The following FRMD7 variants were observed in gnomAD, a reference collection of about 807,000 sequenced individuals.
The protein encoded by FRMD7 is FERM domain containing 7.
A neutral mutation model predicts 44.1 loss-of-function variants in FRMD7; 14 were observed. That is an observed-to-expected ratio of 0.32 (90% CI 0.21 to 0.50). The LOEUF (loss-of-function observed/expected upper bound fraction) is 0.50. Ranked by LOEUF, FRMD7 falls within the 20% of genes least tolerant of loss-of-function variation. The pLI, the probability that FRMD7 is intolerant of heterozygous loss-of-function variation, is 0.99. For missense variants in FRMD7, 501 were observed against 522.3 expected (o/e 0.96, Z 0.40); for synonymous variants, 212 against 187.4 (o/e 1.13, Z -1.07).
At chrX:132,097,691 C>A (rs2124248003) in intron 3 of FRMD7, among the ~76,000 whole-genome samples, 1 of 111,751 alleles carries the variant, frequency 8.9e-6, no homozygotes, top group South Asian at 3.8e-4. Flanking sequence ...AGTTGGGATT[C>A]TGCATTCCTG....
chrX:132,119,333 T>C (rs5933080), intron 1 of FRMD7, among the ~76,000 whole-genome samples: 23,345 of 112,052 alleles, frequency 0.21, 1,953 homozygotes, highest in Non-Finnish European at 0.25. Context: ...TAAAGGCAAT[T>C]GACAGTAACT....
chrX:132,117,161 C>T (rs747014657), intron 1 of FRMD7, among the ~76,000 whole-genome samples: 6 of 112,044 alleles, frequency 5.4e-5, no homozygotes, highest in Non-Finnish European at 1.1e-4. Context: ...TAGCTATTAC[C>T]ATTACTATTT....
At chrX:132,121,254 A>G (rs1929027425) in intron 1 of FRMD7, among the ~76,000 whole-genome samples, 2 of 111,898 alleles carry the variant, frequency 1.8e-5, no homozygotes, top group Admixed American at 9.5e-5. Flanking sequence ...CAGGATTTTG[A>G]AGCCAGACAA....
At chrX:132,124,861 G>C (rs912509058) in intron 1 of FRMD7, among the ~76,000 whole-genome samples, 6 of 111,730 alleles carry the variant, frequency 5.4e-5, no homozygotes, top group African/African-American at 1.9e-4. Flanking sequence ...AGAGTCTACT[G>C]TTCCCAGAAC....
chrX:132,084,404 C>T (rs1181447403), intron 8 of FRMD7, 86 bp downstream of exon 8: 2 of 598,191 alleles, frequency 3.3e-6, no homozygotes, highest in Non-Finnish European at 5.9e-6. Context: ...CCGGCTTTTA[C>T]AATTTACATT....
intron 1 of FRMD7, among the ~76,000 whole-genome samples, chrX:132,121,671 C>A (rs1259465027): frequency 9.1e-6 from 1 of 109,717 alleles, no homozygotes; most frequent in African/African-American, 3.3e-5. Flanking sequence ...GTGCATGAGA[C>A]TTATGTAAGG....
intron 5 of FRMD7, among the ~76,000 whole-genome samples, 162 bp from the exon 6 acceptor site, chrX:132,086,196 G>T (rs1381854321): frequency 9.1e-6 from 1 of 109,290 alleles, no homozygotes. Flanking sequence ...TTCTATAGGG[G>T]TGTGTGTGTT....
intron 1 of FRMD7, among the ~76,000 whole-genome samples, chrX:132,127,393 A>T (rs1453646908): frequency 8.9e-6 from 1 of 112,122 alleles, no homozygotes; most frequent in Non-Finnish European, 1.9e-5. Context: ...AAAGGAGGAT[A>T]GCTTCCCCCA....
chrX:132,127,745 G>A, intron 1 of FRMD7, 43 bp downstream of exon 1: 7 of 1,018,674 alleles, frequency 6.9e-6, no homozygotes, highest in Non-Finnish European at 9.7e-6. Context: ...GACAATTATT[G>A]AATGAATAAT....
Position 132,085,718 on chromosome X carries a change from G to C in FRMD7, c.508C>G (p.Pro170Ala), listed in dbSNP as rs972722902. The C allele has an allele frequency of 8.3e-7, 1 of 1,207,882 alleles. No individual in the cohort carries two copies. The highest frequency in any genetic ancestry group is 1.1e-6 in the Non-Finnish European group (1 of 893,437). The stretch of plus-strand genomic sequence containing the variant: ...AGTAGCAGAATGTCAGATTCAGCTG[G>C]GCTCCTGCCACTGAAAGGGGAAAGA... ...HFHQKHIGRS[P>A]AESDILLLDI... Residue 170 changes from proline to alanine, a missense_variant, in exon 7 of 12, where the codon CCA becomes GCA. Pro to Ala is a conservative substitution (Grantham distance 27). Coordinates refer to ENST00000298542, the MANE Select transcript of FRMD7 (RefSeq NM_194277.3).
chrX:132,094,604 A>G (rs930788516), intron 4 of FRMD7, among the ~76,000 whole-genome samples: 1 of 112,153 alleles, frequency 8.9e-6, no homozygotes, highest in African/African-American at 3.2e-5. Flanking sequence ...AGTTATAGAA[A>G]GAGAGGGGCT....
rs182864511 is a variant in FRMD7 at position 132,079,601 on chromosome X, C to T, written c.1050+405G>A. Among the ~76,000 whole-genome samples the T allele has an allele frequency of 6.2e-5, 7 of 112,176 alleles. No homozygotes were observed. The East Asian group carries it at 2.0e-3, about 31-fold the overall frequency. ...CAGTTCCAAGGGAACAACACTTTGT[C>T]CTTAAGTTACAAAATTACACAGGAA... is the stretch of plus-strand genomic sequence containing the variant. On this transcript the variant is annotated intron_variant, in intron 11 of 11. Transcript: ENST00000298542.
At chrX:132,079,169 C>T (rs925554511) in intron 11 of FRMD7, among the ~76,000 whole-genome samples, 2 of 112,427 alleles carry the variant, frequency 1.8e-5, no homozygotes, top group African/African-American at 6.5e-5. Flanking sequence ...TTAAAAAGTA[C>T]ATGTGACACT....
chrX:132,078,642 T>G lies in FRMD7; in HGVS notation c.1375A>C (p.Ile459Leu), dbSNP rs1362278613. 4 of 1,209,929 alleles carry G rather than the reference T, an allele frequency of 3.3e-6. No individual in the cohort carries two copies. In the African/African-American group the frequency reaches 7.0e-5, roughly 21 times the overall value. ...SCKFSGNHMS[I>L]YSGLTSKVRP... ...ACTTTGCTTGTGAGGCCAGAATATA[T>G]GCTCATGTGATTACCAGAAAACTTA... Residue 459 changes from isoleucine to leucine, a missense_variant, in exon 12 of 12, where the codon ATA becomes CTA. By Grantham distance (5) the Ile-to-Leu change is conservative. Around this residue, in one of 3 missense-constraint regions of FRMD7, gnomAD observed 453 missense variants for 452.7 expected, o/e 1.00. Transcript: ENST00000298542.
chrX:132,102,730 T>C (rs1928536747), intron 1 of FRMD7, among the ~76,000 whole-genome samples: 3 of 112,225 alleles, frequency 2.7e-5, no homozygotes, highest in African/African-American at 3.2e-5. Flanking sequence ...AATTCCATCA[T>C]ACACTCCAGT....
chrX:132,125,169 G>A (rs1248469160), intron 1 of FRMD7, among the ~76,000 whole-genome samples: 4 of 111,696 alleles, frequency 3.6e-5, no homozygotes, highest in Non-Finnish European at 7.5e-5. Flanking sequence ...TGACAAAACA[G>A]GCTTCTTAGT....
Position 132,077,821 on chromosome X carries a change from C to G in FRMD7, c.*51G>C. 8.3e-7 allele frequency: 1 copy of G among 1,208,433 alleles called. No homozygotes were observed. The highest frequency in any genetic ancestry group is 1.1e-6 in the Non-Finnish European group (1 of 893,606). ...GTTTCTACAACTTCATTATTTTCTG[C>G]CTAAGTCGGTAACATGGAACTGGCT... On this transcript the variant is annotated 3_prime_UTR_variant, in exon 12 of 12. Transcript: ENST00000298542.
intron 4 of FRMD7, among the ~76,000 whole-genome samples, chrX:132,096,477 G>A (rs1406219613): frequency 9.1e-6 from 1 of 109,613 alleles, no homozygotes. Context: ...AGCACTTTGG[G>A]AGGCCAAGGC....
intron 1 of FRMD7, among the ~76,000 whole-genome samples, chrX:132,113,540 A>T (rs1490919085): frequency 2.7e-5 from 3 of 111,672 alleles, no homozygotes; most frequent in Non-Finnish European, 3.8e-5. Flanking sequence ...GAAAACTATT[A>T]TCTAGGTGGA....
Sources: allele counts gnomAD v4.1 joint callset (sites outside exome capture counted in the v4.1 genomes callset), GRCh38; gene constraint gnomAD v4.1.1; regional missense constraint gnomAD v4.1.1; transcripts MANE v1.5; gene names NCBI Gene and HGNC (gene_info 2026-07-23, HGNC 2026-07-21).